The following MAN2C1 variants were observed in gnomAD, a reference collection of about 807,000 sequenced individuals.
The protein encoded by MAN2C1 is alpha-mannosidase 2C1.
Under a neutral mutation model 126.9 loss-of-function variants are expected in MAN2C1, and 111 were observed. That is an observed-to-expected ratio of 0.87 (90% CI 0.75 to 1.02). The LOEUF is 1.02. Among genes scored for constraint, MAN2C1 ranks in the 50% least tolerant of loss-of-function variants. The probability of loss-of-function intolerance (pLI) is 0.00; values close to 1 mark genes in which losing one functional copy is unlikely to be tolerated. For missense variants in MAN2C1, 1,363 were observed against 1,364.4 expected, an observed-to-expected ratio of 1.00 and a Z score of 0.02; for synonymous variants, 567 against 561.5, an observed-to-expected ratio of 1.01 and a Z score of -0.14.
At position 75,364,193 on chromosome 15, in the gene MAN2C1, A is replaced by G. The variant is rs1353722341; in HGVS notation, c.601-5T>C. 1.2e-6 allele frequency: 2 copies of G among 1,608,232 alleles called. No individual in the cohort carries two copies. Among genetic ancestry groups the G allele is most frequent in the Non-Finnish European group, 1.7e-6 (2 of 1,177,888 alleles). ...CTGGTTGTCCTTCCCGAGGCCCTGCAGCAGGGTTCTGCCCCTTAATCCCTT... is the reference window on the plus strand; with the variant it reads ...CTGGTTGTCCTTCCCGAGGCCCTGCGGCAGGGTTCTGCCCCTTAATCCCTT... On this transcript the variant is annotated splice_polypyrimidine_tract_variant and splice_region_variant and intron_variant, in intron 5 of 25. Coordinates refer to ENST00000267978, the MANE Select transcript of MAN2C1 (RefSeq NM_006715.4).
chr15:75,358,447 CT>C lies in MAN2C1; in HGVS notation c.2403+14del. ...CACACTTGGGGAAAACAGCCACCCC[CT>C]ACCCCCCGACTACCTCGGTGTGGAA... On this transcript the variant is annotated intron_variant, in intron 20 of 25. Transcript: ENST00000267978. 6.2e-7 allele frequency: 1 copy of C among 1,613,306 alleles called. No homozygotes were observed. The highest frequency in any genetic ancestry group is 1.1e-5 in the South Asian group (1 of 91,078).
chr15:75,364,543 T>C lies in MAN2C1; in HGVS notation c.545A>G (p.His182Arg). 1 of 1,609,128 alleles carries C rather than the reference T, an allele frequency of 6.2e-7. No individual in the cohort carries two copies. The highest frequency in any genetic ancestry group is 8.5e-7 in the Non-Finnish European group (1 of 1,177,726). ...CACCAGGAGCATGTGGACATCCCGG[T>C]GGAACACAGCTAGCTCAGCCCGGCT... ...QLSRAELAVF[H>R]RDVHMLLVDL... The change falls in exon 5 of 26, where the codon CAC (histidine) becomes CGC (arginine). Residue 182 changes from histidine to arginine, a missense_variant. His to Arg is a conservative substitution (Grantham distance 29, BLOSUM62 0). Coordinates refer to ENST00000267978, the MANE Select transcript of MAN2C1 (RefSeq NM_006715.4).
Position 75,362,525 on chromosome 15 carries a change from A to T in MAN2C1, c.898-72T>A. On this transcript the variant is annotated intron_variant, in intron 7 of 25. Coordinates refer to ENST00000267978, the MANE Select transcript of MAN2C1 (RefSeq NM_006715.4). The surrounding 1 kb of genome is among the most constrained non-coding windows in gnomAD (Gnocchi z 4.5). ...ACCCAGGACTGAGCATATGGGACTC[A>T]GTGTGTGGCTGAGGGTGAGGAGCAG... 2 of 1,524,150 alleles carry T rather than the reference A, an allele frequency of 1.3e-6. No homozygotes were observed. Among genetic ancestry groups the T allele is most frequent in the Non-Finnish European group, 1.8e-6 (2 of 1,114,300 alleles). The allele number at this position is 1,524,150 out of a possible 1,614,324, so 94.4% of individuals were successfully genotyped here. A position where few individuals can be genotyped will look rare whatever the true frequency, so the allele number is the denominator to read the frequency against.
Position 75,362,224 on chromosome 15 carries a change from G to T in MAN2C1, c.1008+119C>A. 2.3e-6 allele frequency: 2 copies of T among 875,840 alleles called. No homozygotes were observed. The highest frequency in any genetic ancestry group is 3.6e-6 in the Non-Finnish European group (2 of 551,122). The allele number at this position is 875,840 out of a possible 1,614,324, so 54.3% of individuals were successfully genotyped here. A position where few individuals can be genotyped will look rare whatever the true frequency, so the allele number is the denominator to read the frequency against. Reference sequence around the variant, plus strand: ...TCCCAGGGACTAATGAGCCAGCCCTGCCACACAGCGGGGATGAGTGGCCCG... The same window carrying T: ...TCCCAGGGACTAATGAGCCAGCCCTTCCACACAGCGGGGATGAGTGGCCCG... On this transcript the variant is annotated intron_variant, in intron 8 of 25. Coordinates refer to ENST00000267978, the MANE Select transcript of MAN2C1 (RefSeq NM_006715.4). The surrounding 1 kb of genome is among the most constrained non-coding windows in gnomAD (Gnocchi z 4.5).
intron 5 of MAN2C1, 114 bp from the exon 6 acceptor site, chr15:75,364,302 G>T: frequency 7.6e-7 from 1 of 1,307,540 alleles, no homozygotes; most frequent in Non-Finnish European, 1.0e-6. Context: ...CTTTTTCCCT[G>T]CTGGTCCCCC....
Position 75,366,542 on chromosome 15 carries a change from C to A in MAN2C1, c.402G>T (p.Leu134=), listed in dbSNP as rs149376540. 6.2e-7 allele frequency: 1 copy of A among 1,613,556 alleles called. No individual in the cohort carries two copies. The highest frequency in any genetic ancestry group is 8.5e-7 in the Non-Finnish European group (1 of 1,179,822). Residue 134 remains leucine (L), a synonymous_variant, in exon 4 of 26, where the codon CTG becomes CTT. Coordinates refer to ENST00000267978, the MANE Select transcript of MAN2C1 (RefSeq NM_006715.4). Reference sequence around the variant, plus strand: ...CTCACCTTCGGGGGTCTCTTTCCCCCAGCCTGTCAGTCAGGACATAGCTGG... The same window carrying A: ...CTCACCTTCGGGGGTCTCTTTCCCCAAGCCTGTCAGTCAGGACATAGCTGG... The part of the protein sequence containing the change: ...EKTSYVLTDR[L]GERDPRSLTL...
At chr15:75,367,952 G>A in intron 2 of MAN2C1, 121 bp downstream of exon 2, 2 of 1,276,068 alleles carry the variant, frequency 1.6e-6, no homozygotes, top group Admixed American at 2.7e-5. Context: ...CCCAGCAGAG[G>A]GTGCTGCTCG....
rs1393747718 is a variant in MAN2C1 at position 75,358,449 on chromosome 15, A to AC, written c.2403+12dup. 6.2e-7 allele frequency: 1 copy of AC among 1,612,750 alleles called. No individual in the cohort carries two copies. ...CACTTGGGGAAAACAGCCACCCCCT[A>AC]CCCCCCGACTACCTCGGTGTGGAAG... On this transcript the variant is annotated intron_variant, in intron 20 of 25. Transcript: ENST00000267978.
In MAN2C1 at chr15:75,356,665, G is replaced by A. The variant is rs531365282; in HGVS notation, c.2678C>T (p.Pro893Leu). ...GCGCCCCGTGTCAGCAGTAGCGTCC[G>A]GGGCTTTAGGCGCCCGCAAGCTGGG... ...SLSLLRAPKA[P>L]DATADTGRHE... Residue 893 changes from proline to leucine, a missense_variant, in exon 23 of 26, where the codon CCG becomes CTG. Pro to Leu is a moderately conservative substitution (Grantham distance 98). This residue lies in a region of MAN2C1 where 668 missense variants were observed against 650.1 expected (regional missense o/e 1.03). Coordinates refer to ENST00000267978, the MANE Select transcript of MAN2C1 (RefSeq NM_006715.4). The surrounding 1 kb of genome is among the most constrained non-coding windows in gnomAD (Gnocchi z 5.8). 2.3e-5 allele frequency: 36 copies of A among 1,586,176 alleles called. No individual in the cohort carries two copies. Among genetic ancestry groups the A allele is most frequent in the Non-Finnish European group, 2.4e-5 (28 of 1,166,784 alleles).
chr15:75,366,159 AT>A (rs2072571826), intron 4 of MAN2C1: 3 of 322,110 alleles, frequency 9.3e-6, no homozygotes, highest in Non-Finnish European at 1.8e-5. Flanking sequence ...AACGGTAGTT[AT>A]TTACTTCTTT....
chr15:75,358,205 A>G lies in MAN2C1; in HGVS notation c.2543T>C (p.Phe848Ser). Residue 848 changes from phenylalanine (F) to serine (S), a missense_variant, in exon 21 of 26, where the codon TTT (phenylalanine) becomes TCT (serine). Physicochemically the swap from Phe to Ser is radical, Grantham distance 155. Around this residue, in one of 3 missense-constraint regions of MAN2C1, gnomAD observed 668 missense variants for 650.1 expected, o/e 1.03. Transcript: ENST00000267978. Reference protein sequence around the residue: ...HYNTSWDWARFEVWAHRWMDL... With the variant: ...HYNTSWDWARSEVWAHRWMDL... ...TCCCACCCTGCCATGTCAGACCTCA[A>G]ATCGAGCCCAGTCCCAAGAGGTATT... 1 of 1,614,134 alleles carries G rather than the reference A, an allele frequency of 6.2e-7. No individual in the cohort carries two copies. Among genetic ancestry groups the G allele is most frequent in the Non-Finnish European group, 8.5e-7 (1 of 1,180,020 alleles).
intron 4 of MAN2C1, chr15:75,365,706 A>G: frequency 4.6e-6 from 1 of 217,292 alleles, no homozygotes; most frequent in South Asian, 4.8e-5. Context: ...AGCCTGGGTA[A>G]CAAAAGCGAA....
At chr15:75,364,813 G>A (rs1377804128) in intron 4 of MAN2C1, 148 bp from the exon 5 acceptor site, 1 of 621,114 alleles carries the variant, frequency 1.6e-6, no homozygotes, top group African/African-American at 1.9e-5. Flanking sequence ...TGTGACAAGA[G>A]TGCATGTGGG....
Position 75,356,411 on chromosome 15 carries a change from T to A in MAN2C1, c.2776A>T (p.Ser926Cys). 6.2e-7 allele frequency: 1 copy of A among 1,609,266 alleles called. No homozygotes were observed. Among genetic ancestry groups the A allele is most frequent in the Non-Finnish European group, 8.5e-7 (1 of 1,178,314 alleles). The change falls in exon 24 of 26, where the codon AGC becomes TGC. Residue 926 changes from serine to cysteine, a missense_variant. Around this residue, in one of 3 missense-constraint regions of MAN2C1, gnomAD observed 668 missense variants for 650.1 expected, o/e 1.03. Transcript: ENST00000267978. This position sits in a 1 kb window ranked among gnomAD's most constrained non-coding sequence, Gnocchi z 5.8. ...AGAGCCAACAGGGGGAAGTTTAGGC[T>A]GTAGGCAGCTTGGATAACGCCAGCA... ...QDAGVIQAAY[S>C]LNFPLLALPA...
intron 15 of MAN2C1, 39 bp downstream of exon 15, chr15:75,359,863 TG>T: frequency 6.2e-7 from 1 of 1,611,576 alleles, no homozygotes; most frequent in Admixed American, 1.7e-5. Flanking sequence ...GGCTCAGCCC[TG>T]GGGTTGGAGA....
Position 75,361,702 on chromosome 15 carries a change from A to G in MAN2C1, c.1120T>C (p.Phe374Leu). 6.2e-7 allele frequency: 1 copy of G among 1,613,956 alleles called. No homozygotes were observed. The highest frequency in any genetic ancestry group is 8.5e-7 in the Non-Finnish European group (1 of 1,179,964). Reference protein sequence around the residue: ...MCSEFWLPDTFGYSAQLPQIM... With the variant: ...MCSEFWLPDTLGYSAQLPQIM... ...TGGGGGAGCTGTGCTGAGTAGCCAA[A>G]GGTGTCCGGCAGCCAGAACTGTGGA... is the stretch of plus-strand genomic sequence containing the variant. The change falls in exon 10 of 26, where the codon TTT becomes CTT. Residue 374 changes from phenylalanine (F) to leucine (L), a missense_variant. Around this residue, in one of 3 missense-constraint regions of MAN2C1, gnomAD observed 628 missense variants for 609.8 expected, o/e 1.03. Transcript: ENST00000267978. The surrounding 1 kb of genome is among the most constrained non-coding windows in gnomAD (Gnocchi z 5.0).
chr15:75,368,445 G>A (rs1005251652), intron 1 of MAN2C1, 38 bp downstream of exon 1: 9 of 1,529,528 alleles, frequency 5.9e-6, no homozygotes, highest in Admixed American at 2.0e-5. Flanking sequence ...GAGGCGCACG[G>A]TTGCGGTCGG....
At chr15:75,358,006 C>T (rs867206357) in intron 21 of MAN2C1, 195 bp downstream of exon 21, 15 of 628,358 alleles carry the variant, frequency 2.4e-5, no homozygotes, top group South Asian at 1.1e-4. Flanking sequence ...CCACCCACCT[C>T]GGCCTCCCAA....
chr15:75,362,189 G>A lies in MAN2C1; in HGVS notation c.1008+154C>T. On this transcript the variant is annotated intron_variant, in intron 8 of 25. Coordinates refer to ENST00000267978, the MANE Select transcript of MAN2C1 (RefSeq NM_006715.4). The surrounding 1 kb of genome is among the most constrained non-coding windows in gnomAD (Gnocchi z 4.5). ...GGCTCTCCTCCCCCTTGAAGTCCCA[G>A]GCCTTGAGATCCCAGGGACTAATGA... The A allele has an allele frequency of 1.4e-6, 1 of 719,534 alleles. No individual in the cohort carries two copies. The highest frequency in any genetic ancestry group is 2.7e-5 in the East Asian group (1 of 37,074). 44.6% of individuals were successfully genotyped at this position (719,534 alleles called of 1,614,324 possible). A position where few individuals can be genotyped will look rare whatever the true frequency, so the allele number is the denominator to read the frequency against.
Sources: gnomAD v4.1 joint callset for allele counts on GRCh38, gnomAD v4.1.1 for gene constraint, gnomAD v4.1.1 regional missense constraint, Gnocchi (gnomAD v3.1) non-coding constraint, MANE v1.5 for transcripts, NCBI Gene and HGNC (gene_info 2026-07-23, HGNC 2026-07-21) for gene names.